DPP10: variants seen among roughly 807,000 people sequenced by gnomAD.
DPP10 encodes the protein dipeptidyl peptidase like 10, also known as inactive dipeptidyl peptidase 10.
In DPP10, 33 loss-of-function variants were observed where a neutral mutation model predicts 120.9. The observed-to-expected ratio is 0.27, with a 90% CI of 0.21 to 0.37. The LOEUF is 0.37. Among genes scored for constraint, DPP10 ranks in the 10% least tolerant of loss-of-function variants. DPP10 has a pLI of 1.00. For missense variants in DPP10, 816 were observed against 942.8 expected (o/e 0.87, Z 1.76); for synonymous variants, 337 against 326.1 (o/e 1.03, Z -0.36).
chr2:114,616,060 G>C (rs1286566656), intron 1 of DPP10, among the ~76,000 whole-genome samples: 1 of 152,128 alleles, frequency 6.6e-6, no homozygotes, highest in African/African-American at 2.4e-5. Flanking sequence ...ATAAATCAAA[G>C]TGAATTGCAT....
intron 1 of DPP10, among the ~76,000 whole-genome samples, chr2:114,523,930 A>T (rs1248854588): frequency 6.6e-6 from 1 of 152,206 alleles, no homozygotes; most frequent in Non-Finnish European, 1.5e-5. Context: ...TGTTGGTAAT[A>T]TCGAAATGAA....
chr2:115,815,711 A>T lies in DPP10; in HGVS notation c.1932A>T (p.Arg644Ser), dbSNP rs1448958207. 1.1e-5 allele frequency: 17 copies of T among 1,601,378 alleles called. No homozygotes were observed. Among genetic ancestry groups the T allele is most frequent in the Non-Finnish European group, 1.4e-5 (17 of 1,172,626 alleles). ...LLKLPYIDSKRLSIFGKGYGG... is the reference protein window; with the variant it reads ...LLKLPYIDSKSLSIFGKGYGG... ...AACTGCCTTACATTGACTCCAAAAG[A>T]TTAAGCATTTTTGGAAAGGTAAATA... The change falls in exon 21 of 26, where the codon AGA becomes AGT. Residue 644 changes from arginine (R) to serine (S), a missense_variant. Transcript: ENST00000410059.
chr2:114,924,151 A>G (rs1234627363), intron 1 of DPP10, among the ~76,000 whole-genome samples: 1 of 152,164 alleles, frequency 6.6e-6, no homozygotes, highest in Non-Finnish European at 1.5e-5. Flanking sequence ...TGGAACTGCC[A>G]TGTGTTTTCC....
At chr2:115,686,238 C>T (rs1226436217) in intron 5 of DPP10, among the ~76,000 whole-genome samples, 1 of 151,994 alleles carries the variant, frequency 6.6e-6, no homozygotes, top group African/African-American at 2.4e-5. Flanking sequence ...GAAGAGTTGT[C>T]CTGTCTTCCT....
intron 5 of DPP10, among the ~76,000 whole-genome samples, chr2:115,612,905 A>G (rs2084220396): frequency 6.6e-6 from 1 of 151,874 alleles, no homozygotes; most frequent in African/African-American, 2.4e-5. Context: ...CGATAAAGTC[A>G]TGACAACTGG....
chr2:115,348,474 G>A (rs929983220), intron 3 of DPP10, among the ~76,000 whole-genome samples: 4 of 151,742 alleles, frequency 2.6e-5, no homozygotes, highest in Non-Finnish European at 4.4e-5. Context: ...ATAAATGCAT[G>A]TGTTTACATA....
At chr2:115,375,923 A>C (rs894532326) in intron 3 of DPP10, among the ~76,000 whole-genome samples, 2 of 152,214 alleles carry the variant, frequency 1.3e-5, no homozygotes, top group African/African-American at 4.8e-5. Context: ...GGGGGATTAC[A>C]ATTTGACATG....
chr2:115,310,931 T>G (rs2061551145), intron 2 of DPP10, among the ~76,000 whole-genome samples: 1 of 152,208 alleles, frequency 6.6e-6, no homozygotes, highest in Non-Finnish European at 1.5e-5. Flanking sequence ...TGATTCACTT[T>G]CTCAGGTTTT....
chr2:115,550,091 C>T (rs1199447710), intron 5 of DPP10, among the ~76,000 whole-genome samples: 3 of 152,020 alleles, frequency 2.0e-5, no homozygotes, highest in Admixed American at 1.3e-4. Flanking sequence ...GAGACAGCTT[C>T]CTAAAGGGAA....
chr2:115,599,957 T>A (rs1198349710), intron 5 of DPP10, among the ~76,000 whole-genome samples: 1 of 152,088 alleles, frequency 6.6e-6, no homozygotes, highest in Non-Finnish European at 1.5e-5. Context: ...TTACCTTGAG[T>A]TTATGCACTG....
At chr2:115,315,669 A>G (rs545755108) in intron 2 of DPP10, among the ~76,000 whole-genome samples, 2 of 152,258 alleles carry the variant, frequency 1.3e-5, no homozygotes, top group South Asian at 4.1e-4. Context: ...CAAATTGTTT[A>G]TTTTGTTGAA....
At chr2:115,692,078 T>C (rs1049627801) in intron 7 of DPP10, among the ~76,000 whole-genome samples, 2 of 152,080 alleles carry the variant, frequency 1.3e-5, no homozygotes, top group African/African-American at 2.4e-5. Flanking sequence ...ATTTTTATAA[T>C]TTCTATGTCG....
intron 1 of DPP10, among the ~76,000 whole-genome samples, chr2:114,637,407 A>C (rs941860545): frequency 6.6e-6 from 1 of 151,816 alleles, no homozygotes; most frequent in Non-Finnish European, 1.5e-5. Flanking sequence ...TGTCAGGGGA[A>C]CGACTGGGGC....
chr2:114,728,424 C>A (rs1022895346), intron 1 of DPP10, among the ~76,000 whole-genome samples: 1 of 152,090 alleles, frequency 6.6e-6, no homozygotes, highest in African/African-American at 2.4e-5. Context: ...TTATTCTGAG[C>A]CTCGGGTGTT....
At chr2:114,651,138 TG>T (rs1696552468) in intron 1 of DPP10, among the ~76,000 whole-genome samples, 1 of 152,194 alleles carries the variant, frequency 6.6e-6, no homozygotes, top group Non-Finnish European at 1.5e-5. Flanking sequence ...ATACATTACC[TG>T]CTTGTAGAGC....
chr2:114,503,810 C>G (rs1573511213), intron 1 of DPP10, among the ~76,000 whole-genome samples: 2 of 152,266 alleles, frequency 1.3e-5, no homozygotes, highest in East Asian at 3.9e-4. Context: ...TGGATTTTGT[C>G]TGACTTTTGT....
chr2:114,560,732 G>A (rs1451596131), intron 1 of DPP10, among the ~76,000 whole-genome samples: 1 of 152,150 alleles, frequency 6.6e-6, no homozygotes, highest in East Asian at 1.9e-4. Flanking sequence ...GCAGAACTCT[G>A]CCCGGGCTCC....
intron 5 of DPP10, among the ~76,000 whole-genome samples, chr2:115,571,261 T>C (rs2081321329): frequency 6.6e-6 from 1 of 152,096 alleles, no homozygotes; most frequent in Non-Finnish European, 1.5e-5. Context: ...ATTCAGGGAG[T>C]ACCTGTGCAG....
intron 3 of DPP10, among the ~76,000 whole-genome samples, chr2:115,368,404 T>C (rs1392567206): frequency 6.6e-6 from 1 of 152,130 alleles, no homozygotes; most frequent in East Asian, 1.9e-4. Flanking sequence ...TGTGAACTAG[T>C]AATATGCAAA....
Sources: gnomAD v4.1 joint callset for allele counts (sites outside exome capture counted in the v4.1 genomes callset) on GRCh38, gnomAD v4.1.1 for gene constraint, MANE v1.5 for transcripts, NCBI Gene and HGNC (gene_info 2026-07-23, HGNC 2026-07-21) for gene names.